Variants in PRLR observed in about 807,000 individuals in gnomAD.
The protein encoded by PRLR is hPRL receptor.
A neutral mutation model predicts 40.2 loss-of-function variants in PRLR; 13 were observed. That is an observed-to-expected ratio of 0.32 (90% confidence interval 0.21 to 0.51). PRLR has a LOEUF of 0.51. Ranked by LOEUF, PRLR falls within the 20% of genes least tolerant of loss-of-function variation. The pLI, the probability that PRLR is intolerant of heterozygous loss-of-function variation, is 0.97. For missense variants in PRLR, 656 were observed against 747.3 expected (o/e 0.88, Z 1.42); for synonymous variants, 269 against 278.7 (o/e 0.97, Z 0.35).
At chr5:35,205,164 A>C (rs889020268) in intron 1 of PRLR, among the ~76,000 whole-genome samples, 1 of 151,976 alleles carries the variant, frequency 6.6e-6, no homozygotes, top group Non-Finnish European at 1.5e-5. Flanking sequence ...ATATATATAA[A>C]ATATAAGATA....
At chr5:35,152,953 G>C (rs2047741) in intron 1 of PRLR, 122,228 of 152,134 alleles carry the variant, frequency 0.8, 51,526 homozygotes, top group Non-Finnish European at 0.92. Flanking sequence ...TGGCAGGCAT[G>C]GGACTTGGTA....
At chr5:35,144,498 T>C (rs1407446653) in intron 1 of PRLR, among the ~76,000 whole-genome samples, 1 of 152,188 alleles carries the variant, frequency 6.6e-6, no homozygotes, top group African/African-American at 2.4e-5. Flanking sequence ...TCACCCAGAC[T>C]GGAATACAGC....
chr5:35,139,975 T>C (rs902915973), intron 1 of PRLR, among the ~76,000 whole-genome samples: 2 of 152,206 alleles, frequency 1.3e-5, no homozygotes, highest in African/African-American at 2.4e-5. Context: ...AGTAATTACA[T>C]TGGTGAAAAT....
intron 2 of PRLR, among the ~76,000 whole-genome samples, chr5:35,099,576 A>G (rs249532): frequency 0.056 from 8,505 of 152,226 alleles, 566 homozygotes; most frequent in East Asian, 0.18. Flanking sequence ...CCTCAGGCAG[A>G]TCCTTCAGGA....
At chr5:35,105,650 G>C (rs867324751) in intron 2 of PRLR, among the ~76,000 whole-genome samples, 3 of 152,086 alleles carry the variant, frequency 2.0e-5, no homozygotes, top group Non-Finnish European at 4.4e-5. Context: ...TCAAATGAAT[G>C]AAATGAAGTG....
At chr5:35,162,838 T>C (rs1774714393) in intron 1 of PRLR, among the ~76,000 whole-genome samples, 1 of 152,204 alleles carries the variant, frequency 6.6e-6, no homozygotes, top group South Asian at 2.1e-4. Flanking sequence ...GTAAGTAAAA[T>C]GATTCACTGT....
At chr5:35,086,445 G>T in intron 3 of PRLR, 105 bp from the exon 4 acceptor site, 1 of 1,419,356 alleles carries the variant, frequency 7.0e-7, no homozygotes, top group Non-Finnish European at 9.7e-7. Context: ...CAGCGATGAA[G>T]TCTCAGGCTG....
chr5:35,112,668 C>T (rs1772735155), intron 2 of PRLR, among the ~76,000 whole-genome samples: 2 of 152,142 alleles, frequency 1.3e-5, no homozygotes, highest in South Asian at 4.1e-4. Flanking sequence ...TCCCTCTCTC[C>T]CTCATGACTT....
Position 35,060,425 on chromosome 5 carries a change from C to T in PRLR, c.*4664G>A, listed in dbSNP as rs1170718480. The T allele has an allele frequency of 6.6e-6, 1 of 152,228 alleles. No individual in the cohort carries two copies. 9.4% of individuals were successfully genotyped at this position (152,228 alleles called of 1,614,324 possible). A position where few individuals can be genotyped will look rare whatever the true frequency, so the allele number is the denominator to read the frequency against. The stretch of plus-strand genomic sequence containing the variant: ...GTTGTCACACAATCTCATGTGCTCA[C>T]TGCTTCAGGCCAAGGGTGTGTCAGC... On this transcript the variant is annotated 3_prime_UTR_variant, in exon 10 of 10. Coordinates refer to ENST00000618457, the MANE Select transcript of PRLR (RefSeq NM_000949.7).
rs1400535022 is a variant in PRLR at position 35,140,338 on chromosome 5, T to C, written c.-105-22216A>G. Among the ~76,000 whole-genome samples the C allele has an allele frequency of 2.6e-5, 4 of 152,324 alleles. No homozygotes were observed. In the East Asian group the frequency reaches 7.7e-4, roughly 29 times the overall value. ...TTTTTCTAGTCTGTAATAATCCTTT[T>C]GAGTAGCTGTAAGAGATTTGAGCAA... On this transcript the variant is annotated intron_variant, in intron 1 of 9. Coordinates refer to ENST00000618457, the MANE Select transcript of PRLR (RefSeq NM_000949.7).
chr5:35,159,391 G>A (rs917126090), intron 1 of PRLR, among the ~76,000 whole-genome samples: 1 of 151,354 alleles, frequency 6.6e-6, no homozygotes, highest in African/African-American at 2.4e-5. Flanking sequence ...AGACCCATTG[G>A]CCCCATCCAA....
At chr5:35,209,439 A>G (rs547647428) in intron 1 of PRLR, among the ~76,000 whole-genome samples, 1 of 150,044 alleles carries the variant, frequency 6.7e-6, no homozygotes, top group South Asian at 2.1e-4. Flanking sequence ...GAGGTAGTCA[A>G]CAAAAATAAA....
rs748056016 is a variant in PRLR, at chr5:35,068,272, T to C, written c.799A>G (p.Ile267Val). The change falls in exon 9 of 10, where the codon ATC becomes GTC. Residue 267 changes from isoleucine to valine, a missense_variant. Coordinates refer to ENST00000618457, the MANE Select transcript of PRLR (RefSeq NM_000949.7). The stretch of plus-strand genomic sequence containing the variant: ...TTTGGCCCAGGAACTGGCGGAAAGA[T>C]GCAGGTCACCATGCTATAAAATAAT... Reference protein sequence around the residue: ...ALKGYSMVTCIFPPVPGPKIK... With the variant: ...ALKGYSMVTCVFPPVPGPKIK... 3 of 1,612,198 alleles carry C rather than the reference T, an allele frequency of 1.9e-6. No individual in the cohort carries two copies. Among genetic ancestry groups the C allele is most frequent in the East Asian group, 4.5e-5 (2 of 44,880 alleles).
chr5:35,224,174 T>C (rs1262774241), intron 1 of PRLR, among the ~76,000 whole-genome samples: 1 of 152,164 alleles, frequency 6.6e-6, no homozygotes, highest in East Asian at 1.9e-4. Flanking sequence ...TTTCTCTCCA[T>C]AGGACGCATG....
chr5:35,144,594 C>T (rs903371338), intron 1 of PRLR, among the ~76,000 whole-genome samples: 1 of 151,968 alleles, frequency 6.6e-6, no homozygotes, highest in South Asian at 2.1e-4. Context: ...GCTGGGATTA[C>T]AGGTGCACAC....
chr5:35,115,524 G>A (rs934843157), intron 2 of PRLR, among the ~76,000 whole-genome samples: 2 of 152,120 alleles, frequency 1.3e-5, no homozygotes, highest in African/African-American at 2.4e-5. Context: ...GCCTATGGGT[G>A]GACACATCCT....
At chr5:35,217,695 A>G (rs532614214) in intron 1 of PRLR, among the ~76,000 whole-genome samples, 4 of 152,256 alleles carry the variant, frequency 2.6e-5, no homozygotes, top group Non-Finnish European at 5.9e-5. Flanking sequence ...TGAATTTTAA[A>G]TGAACTAAAT....
chr5:35,061,497 C>T lies in PRLR; in HGVS notation c.*3592G>A, dbSNP rs1226902760. ...ACAGGCAGTAAAGGATTGACCCCTT[C>T]AGACCAAGCCAGTTAAAGTGAGTCT... is the stretch of plus-strand genomic sequence containing the variant. On this transcript the variant is annotated 3_prime_UTR_variant, in exon 10 of 10. Transcript: ENST00000618457. The T allele has an allele frequency of 1.3e-5, 2 of 152,246 alleles. No individual in the cohort carries two copies. The highest frequency in any genetic ancestry group is 4.8e-5 in the African/African-American group (2 of 41,454). 9.4% of individuals were successfully genotyped at this position (152,246 alleles called of 1,614,324 possible).
At chr5:35,172,122 G>C (rs1775015247) in intron 1 of PRLR, among the ~76,000 whole-genome samples, 1 of 152,196 alleles carries the variant, frequency 6.6e-6, no homozygotes, top group South Asian at 2.1e-4. Flanking sequence ...TGAGACTCAA[G>C]GCAGGCTCTT....
Sources: gnomAD v4.1 joint callset for allele counts (sites outside exome capture counted in the v4.1 genomes callset) on GRCh38, gnomAD v4.1.1 for gene constraint, MANE v1.5 for transcripts, NCBI Gene and HGNC (gene_info 2026-07-23, HGNC 2026-07-21) for gene names.